Variants in HIVEP2 observed in about 807,000 individuals in gnomAD.
HIVEP2 encodes transcription factor HIVEP2.
A neutral mutation model predicts 180.7 loss-of-function variants in HIVEP2; 14 were observed. That is an observed-to-expected ratio of 0.08 (90% CI 0.05 to 0.12). HIVEP2 has a LOEUF of 0.12. Ranked by LOEUF, HIVEP2 falls within the 10% of genes least tolerant of loss-of-function variation. The probability of loss-of-function intolerance (pLI) is 1.00; values close to 1 mark genes in which losing one functional copy is unlikely to be tolerated. For synonymous variants in HIVEP2, 1,184 were observed against 1,136.4 expected (o/e 1.04, Z -0.84); for missense variants, 2,579 against 3,008.5 (o/e 0.86, Z 3.34).
rs1433656224 is a variant in HIVEP2, at chr6:142,760,035, T to C, written c.6253A>G (p.Met2085Val). ...TCCTTTCTTGGTGAAAGATGTCTCATGGGTGACAGATCTCTCCTAGGTGAT... is the reference window on the plus strand; with the variant it reads ...TCCTTTCTTGGTGAAAGATGTCTCACGGGTGACAGATCTCTCCTAGGTGAT... ...HLSPRRDLSPMRHLSPRKEAA... is the reference protein window; with the variant it reads ...HLSPRRDLSPVRHLSPRKEAA... The change falls in exon 9 of 10, where the codon ATG (methionine) becomes GTG (valine). Residue 2085 changes from methionine (M) to valine (V), a missense_variant. Around this residue, in one of 11 missense-constraint regions of HIVEP2, gnomAD observed 660 missense variants for 731.7 expected, o/e 0.90. Transcript: ENST00000367603. 1 of 1,614,168 alleles carries C rather than the reference T, an allele frequency of 6.2e-7. No individual in the cohort carries two copies. Among genetic ancestry groups the C allele is most frequent in the Admixed American group, 1.7e-5 (1 of 60,016 alleles).
chr6:142,845,426 A>AGTGT (rs967382205), intron 1 of HIVEP2, among the ~76,000 whole-genome samples: 1 of 151,950 alleles, frequency 6.6e-6, no homozygotes, highest in Admixed American at 6.6e-5. Flanking sequence ...CTCTCTTCAA[A>AGTGT]GTGTGTGTGT....
intron 1 of HIVEP2, chr6:142,944,816 C>G (rs898254722): frequency 6.6e-5 from 10 of 152,576 alleles, no homozygotes; most frequent in African/African-American, 2.2e-4. Flanking sequence ...TCCACGCGCC[C>G]GGGTCCAGCC....
At position 142,808,399 on chromosome 6, in the gene HIVEP2, T is replaced by G. The variant is rs533803381; in HGVS notation, c.-527-24784A>C. On this transcript the variant is annotated intron_variant, in intron 2 of 9. Coordinates refer to ENST00000367603, the MANE Select transcript of HIVEP2 (RefSeq NM_006734.4). Reference sequence around the variant, plus strand: ...AGGCAGGGATGGATGGAAGGAGAGATGGAGGGATAGATGGGTGGACAGAGG... The same window carrying G: ...AGGCAGGGATGGATGGAAGGAGAGAGGGAGGGATAGATGGGTGGACAGAGG... Among the ~76,000 whole-genome samples, 14 of 123,312 alleles carry G rather than the reference T, an allele frequency of 1.1e-4. No homozygotes were observed. In the South Asian group the frequency reaches 3.8e-3, roughly 33 times the overall value. The allele number at this position is 123,312 out of a possible 152,430, so 80.9% of individuals were successfully genotyped here.
chr6:142,866,688 G>A lies in HIVEP2; in HGVS notation c.-640-29641C>T, dbSNP rs374493359. 8.5e-4 allele frequency among the ~76,000 whole-genome samples: 130 copies of A among 152,194 alleles called. 1 individual carries two copies. Among genetic ancestry groups the A allele is most frequent in the African/African-American group, 3.0e-3 (124 of 41,530 alleles). On this transcript the variant is annotated intron_variant, in intron 1 of 9. Transcript: ENST00000367603. ...CTAAGGACAACGAGGAGAATTACTG[G>A]GAAAAGGATAAATATATAAAGCTGT...
At chr6:142,869,791 T>C (rs1426488224) in intron 1 of HIVEP2, among the ~76,000 whole-genome samples, 1 of 152,138 alleles carries the variant, frequency 6.6e-6, no homozygotes, top group Non-Finnish European at 1.5e-5. Flanking sequence ...TTTACTCTAC[T>C]CTCCAACTTC....
intron 1 of HIVEP2, among the ~76,000 whole-genome samples, chr6:142,916,903 T>C (rs1433018652): frequency 6.6e-6 from 1 of 152,236 alleles, no homozygotes; most frequent in Non-Finnish European, 1.5e-5. Context: ...GTTTTAATTG[T>C]ATACCATATT....
At chr6:142,866,418 T>G (rs961971055) in intron 1 of HIVEP2, among the ~76,000 whole-genome samples, 5 of 152,186 alleles carry the variant, frequency 3.3e-5, no homozygotes, top group Non-Finnish European at 5.9e-5. Context: ...TTTTTCTTCC[T>G]TTTCTACAAC....
Position 142,773,119 on chromosome 6 carries a change from A to T in HIVEP2, c.1620T>A (p.Leu540=), listed in dbSNP as rs1205548691. ...LLEAPVDSSP[L]IRSNSVPTSS... The stretch of plus-strand genomic sequence containing the variant: ...AAGTTGGCACTGAGTTGCTTCTAAT[A>T]AGGGGTGAAGAGTCTACAGGAGCTT... Residue 540 remains leucine (L), a synonymous_variant, in exon 5 of 10, where the codon CTT becomes CTA. Transcript: ENST00000367603. The T allele has an allele frequency of 5.6e-6, 9 of 1,614,096 alleles. No homozygotes were observed. Among genetic ancestry groups the T allele is most frequent in the African/African-American group, 1.3e-5 (1 of 74,926 alleles).
chr6:142,834,998 T>C (rs1775188414), intron 2 of HIVEP2, among the ~76,000 whole-genome samples: 1 of 152,076 alleles, frequency 6.6e-6, no homozygotes, highest in South Asian at 2.1e-4. Flanking sequence ...ATTGAGAAAA[T>C]ATACCTAGCT....
chr6:142,834,022 G>A (rs1775160521), intron 2 of HIVEP2, among the ~76,000 whole-genome samples: 1 of 152,248 alleles, frequency 6.6e-6, no homozygotes, highest in African/African-American at 2.4e-5. Flanking sequence ...GAAACTTAAA[G>A]GTCTACTCTG....
At chr6:142,844,055 C>T (rs1347109029) in intron 1 of HIVEP2, among the ~76,000 whole-genome samples, 2 of 152,194 alleles carry the variant, frequency 1.3e-5, no homozygotes, top group Non-Finnish European at 2.9e-5. Context: ...ACAACACCCT[C>T]AACTCCAGCA....
At chr6:142,873,984 A>G (rs187391926) in intron 1 of HIVEP2, among the ~76,000 whole-genome samples, 1 of 152,216 alleles carries the variant, frequency 6.6e-6, no homozygotes, top group Admixed American at 6.5e-5. Flanking sequence ...GGGAGGACAC[A>G]CCATACTTAA....
intron 2 of HIVEP2, among the ~76,000 whole-genome samples, chr6:142,803,822 C>T (rs948573674): frequency 2.6e-5 from 4 of 152,052 alleles, no homozygotes; most frequent in African/African-American, 2.4e-5. Flanking sequence ...TTCTTTGGCA[C>T]CCAGTGTATG....
intron 2 of HIVEP2, among the ~76,000 whole-genome samples, chr6:142,833,833 G>A (rs1318533378): frequency 6.6e-6 from 1 of 152,196 alleles, no homozygotes; most frequent in Non-Finnish European, 1.5e-5. Flanking sequence ...GCATACATAA[G>A]AGTCCACATT....
At chr6:142,822,095 CT>C (rs1436642498) in intron 2 of HIVEP2, among the ~76,000 whole-genome samples, 4 of 152,176 alleles carry the variant, frequency 2.6e-5, no homozygotes, top group Admixed American at 2.0e-4. Flanking sequence ...AAAGACGCTA[CT>C]TTTAATTCCG....
chr6:142,942,463 T>A (rs1778203929), intron 1 of HIVEP2, among the ~76,000 whole-genome samples: 1 of 152,248 alleles, frequency 6.6e-6, no homozygotes, highest in Non-Finnish European at 1.5e-5. Context: ...TCCTCTGTTT[T>A]GTTTTCATGG....
At chr6:142,840,298 T>A (rs111918809) in intron 1 of HIVEP2, among the ~76,000 whole-genome samples, 16 of 5,296 alleles carry the variant, frequency 3.0e-3, no homozygotes, top group Non-Finnish European at 5.9e-3. Context: ...TTATTTATTT[T>A]TTTTTTTTTA....
intron 7 of HIVEP2, among the ~76,000 whole-genome samples, chr6:142,764,158 G>A (rs1293866028): frequency 6.6e-6 from 1 of 151,968 alleles, no homozygotes; most frequent in East Asian, 1.9e-4. Context: ...AAATATAACC[G>A]AAGCAACTTC....
At chr6:142,882,368 T>C (rs983046005) in intron 1 of HIVEP2, among the ~76,000 whole-genome samples, 1 of 152,110 alleles carries the variant, frequency 6.6e-6, no homozygotes, top group African/African-American at 2.4e-5. Flanking sequence ...CCCAGCATGC[T>C]GGGAGGCCAA....
Sources: allele counts gnomAD v4.1 joint callset (sites outside exome capture counted in the v4.1 genomes callset), GRCh38; gene constraint gnomAD v4.1.1; regional missense constraint gnomAD v4.1.1; transcripts MANE v1.5; gene names NCBI Gene and HGNC (gene_info 2026-07-23, HGNC 2026-07-21).